CACNA1I: variants seen among roughly 807,000 people sequenced by gnomAD.
CACNA1I encodes voltage-dependent T-type calcium channel subunit alpha-1I.
In CACNA1I, 74 loss-of-function variants were observed where a neutral mutation model predicts 201.6. That is an observed-to-expected ratio of 0.37 (90% CI 0.30 to 0.45). The LOEUF (loss-of-function observed/expected upper bound fraction) is 0.45. Among genes scored for constraint, CACNA1I ranks in the 20% least tolerant of loss-of-function variants. The pLI is 1.00. For missense variants in CACNA1I, 2,346 were observed against 3,138.1 expected, an observed-to-expected ratio of 0.75 and a Z score of 6.03; for synonymous variants, 1,431 against 1,345.2, an observed-to-expected ratio of 1.06 and a Z score of -1.40.
At chr22:39,600,678 C>T in intron 3 of CACNA1I, 25 bp downstream of exon 3, 1 of 1,580,316 alleles carries the variant, frequency 6.3e-7, no homozygotes, top group Non-Finnish European at 8.6e-7. Context: ...CCAGGCAGGT[C>T]CTAGCCTCTG....
At chr22:39,594,729 C>T (rs1173653452) in intron 1 of CACNA1I, among the ~76,000 whole-genome samples, 1 of 151,944 alleles carries the variant, frequency 6.6e-6, no homozygotes, top group Non-Finnish European at 1.5e-5. Flanking sequence ...CAGCTAAGGG[C>T]AAGGGCTTTG....
chr22:39,679,619 G>GT lies in CACNA1I; in HGVS notation c.5395-103_5395-102insT, dbSNP rs1461112149. On this transcript the variant is annotated intron_variant, in intron 32 of 36. Coordinates refer to ENST00000402142, the MANE Select transcript of CACNA1I (RefSeq NM_021096.4). Reference sequence around the variant, plus strand: ...TGAGGGGGTCGGTCCCAGGCCATGGGCGCAGAGAACCAACCGGGAGGGCAG... The same window carrying GT: ...TGAGGGGGTCGGTCCCAGGCCATGGGTCGCAGAGAACCAACCGGGAGGGCAG... 5.8e-6 allele frequency: 7 copies of GT among 1,210,658 alleles called. No individual in the cohort carries two copies. In the African/African-American group the frequency reaches 1.1e-4, roughly 18 times the overall value. The allele number at this position is 1,210,658 out of a possible 1,614,324, so 75.0% of individuals were successfully genotyped here. A position where few individuals can be genotyped will look rare whatever the true frequency, so the allele number is the denominator to read the frequency against.
Position 39,648,954 on chromosome 22 carries a change from A to C in CACNA1I, c.1568-547A>C, listed in dbSNP as rs1371479196. On this transcript the variant is annotated intron_variant, in intron 9 of 36. Transcript: ENST00000402142. The surrounding 1 kb of genome is among the most constrained non-coding windows in gnomAD (Gnocchi z 5.4). ...GGAAGTCCCAGGGGCTTCTGGAGTGAGGGTCTGCCCTTGCCCCAGGGCTCC... is the reference window on the plus strand; with the variant it reads ...GGAAGTCCCAGGGGCTTCTGGAGTGCGGGTCTGCCCTTGCCCCAGGGCTCC... Among the ~76,000 whole-genome samples, 1 of 151,662 alleles carries C rather than the reference A, an allele frequency of 6.6e-6. No individual in the cohort carries two copies. The highest frequency in any genetic ancestry group is 2.0e-4 in the East Asian group (1 of 5,084).
intron 4 of CACNA1I, among the ~76,000 whole-genome samples, chr22:39,619,899 C>A (rs910839517): frequency 3.3e-5 from 5 of 152,178 alleles, no homozygotes; most frequent in Admixed American, 2.0e-4. Flanking sequence ...GCCTAGCCAC[C>A]GGTTCATCCA....
At chr22:39,599,062 CCTCAGCCT>C (rs919657382) in intron 2 of CACNA1I, among the ~76,000 whole-genome samples, 1 of 150,264 alleles carries the variant, frequency 6.7e-6, no homozygotes, top group African/African-American at 2.5e-5. Flanking sequence ...CATTCTCCCA[CCTCAGCCT>C]CCTGAGCAGC....
chr22:39,667,273 C>T (rs943727566), intron 23 of CACNA1I, among the ~76,000 whole-genome samples: 1 of 152,202 alleles, frequency 6.6e-6, no homozygotes, highest in African/African-American at 2.4e-5. Context: ...TTCTGGATAC[C>T]TTTGGCACCA....
In CACNA1I at chr22:39,679,410, G is replaced by C. The variant is rs1392358273; in HGVS notation, c.5359G>C (p.Gly1787Arg). Residue 1787 changes from glycine to arginine, a missense_variant, in exon 32 of 37, where the codon GGC becomes CGC. Gly to Arg is a moderately radical substitution (Grantham distance 125). This residue lies in a region of CACNA1I where 441 missense variants were observed against 555.6 expected (regional missense o/e 0.79). Transcript: ENST00000402142. ...GGCGGGCGGCGGGGGCGACACCGAG[G>C]GCGGCTTGTGCCGGCGCTGCTACTC... ...GGAGGGGDTEGGLCRRCYSPA... is the reference protein window; with the variant it reads ...GGAGGGGDTERGLCRRCYSPA... The C allele has an allele frequency of 1.4e-6, 2 of 1,440,532 alleles. No individual in the cohort carries two copies. The highest frequency in any genetic ancestry group is 3.0e-5 in the African/African-American group (2 of 66,860). 89.2% of individuals were successfully genotyped at this position (1,440,532 alleles called of 1,614,324 possible).
chr22:39,668,461 A>G, intron 24 of CACNA1I, 80 bp downstream of exon 24: 1 of 881,654 alleles, frequency 1.1e-6, no homozygotes, highest in Non-Finnish European at 1.9e-6. Context: ...TTGAATTTGA[A>G]ACTGGTGCCA....
At position 39,684,469 on chromosome 22, in the gene CACNA1I, C is replaced by T. The variant is rs745531999; in HGVS notation, c.5998C>T (p.Pro2000Ser). ...GGGCTCCTGGGCATCTCTGCGGTCACCAAGGGTCAACTGTACCCTCCTCCG... is the reference window on the plus strand; with the variant it reads ...GGGCTCCTGGGCATCTCTGCGGTCATCAAGGGTCAACTGTACCCTCCTCCG... ...LQGSWASLRS[P>S]RVNCTLLRQA... Residue 2000 changes from proline to serine, a missense_variant, in exon 36 of 37, where the codon CCA becomes TCA. Physicochemically the swap from Pro to Ser is moderately conservative, Grantham distance 74. Around this residue, in one of 13 missense-constraint regions of CACNA1I, gnomAD observed 441 missense variants for 555.6 expected, o/e 0.79. Coordinates refer to ENST00000402142, the MANE Select transcript of CACNA1I (RefSeq NM_021096.4). This position sits in a 1 kb window ranked among gnomAD's most constrained non-coding sequence, Gnocchi z 4.6. The T allele has an allele frequency of 1.2e-6, 2 of 1,613,368 alleles. No individual in the cohort carries two copies. The highest frequency in any genetic ancestry group is 1.7e-6 in the Non-Finnish European group (2 of 1,179,864).
Position 39,684,639 on chromosome 22 carries a change from C to T in CACNA1I, c.6027+141C>T, listed in dbSNP as rs1935803727. ...ACCACCGTGCAAGGGGGTTTGGGAA[C>T]GCTGGGGTGACGCTGAGACTGGAGG... On this transcript the variant is annotated intron_variant, in intron 36 of 36. Transcript: ENST00000402142. The surrounding 1 kb of genome is among the most constrained non-coding windows in gnomAD (Gnocchi z 4.6). The T allele has an allele frequency of 1.3e-5, 11 of 853,930 alleles. No homozygotes were observed. Among genetic ancestry groups the T allele is most frequent in the South Asian group, 9.8e-5 (6 of 61,166 alleles). 52.9% of individuals were successfully genotyped at this position (853,930 alleles called of 1,614,324 possible). A position where few individuals can be genotyped will look rare whatever the true frequency, so the allele number is the denominator to read the frequency against.
At chr22:39,592,563 G>C (rs1357841971) in intron 1 of CACNA1I, among the ~76,000 whole-genome samples, 1 of 152,192 alleles carries the variant, frequency 6.6e-6, no homozygotes, top group African/African-American at 2.4e-5. Context: ...TGAAGTAGGC[G>C]AGGCAGCTGG....
Position 39,685,843 on chromosome 22 carries a change from C to T in CACNA1I, c.6110C>T (p.Thr2037Ile). The change falls in exon 37 of 37, where the codon ACC (threonine) becomes ATC (isoleucine). Residue 2037 changes from threonine to isoleucine, a missense_variant. Thr to Ile is a moderately conservative substitution (Grantham distance 89, BLOSUM62 -1). Around this residue, in one of 13 missense-constraint regions of CACNA1I, gnomAD observed 441 missense variants for 555.6 expected, o/e 0.79. Transcript: ENST00000402142. The surrounding 1 kb of genome is among the most constrained non-coding windows in gnomAD (Gnocchi z 5.0). ...CAGACCACGCTCGAGGACAGCCTGA[C>T]CCTGAGCGACAGCCCCCGGCGTGCC... ...SLQTTLEDSL[T>I]LSDSPRRALG... 1 of 1,485,158 alleles carries T rather than the reference C, an allele frequency of 6.7e-7. No homozygotes were observed. The highest frequency in any genetic ancestry group is 3.0e-5 in the East Asian group (1 of 33,764). 92.0% of individuals were successfully genotyped at this position (1,485,158 alleles called of 1,614,324 possible).
intron 10 of CACNA1I, among the ~76,000 whole-genome samples, chr22:39,653,012 C>T (rs1005292822): frequency 1.3e-5 from 2 of 148,938 alleles, no homozygotes; most frequent in African/African-American, 4.9e-5. Context: ...CTGGCACCCC[C>T]CATCTGTAAA....
At chr22:39,576,958 T>C (rs901277100) in intron 1 of CACNA1I, among the ~76,000 whole-genome samples, 1 of 152,052 alleles carries the variant, frequency 6.6e-6, no homozygotes, top group Non-Finnish European at 1.5e-5. Context: ...CTTCTTCTTC[T>C]TCTTTTTTTT....
intron 4 of CACNA1I, among the ~76,000 whole-genome samples, chr22:39,632,447 C>G (rs747384821): frequency 1.4e-4 from 21 of 152,244 alleles, no homozygotes; most frequent in Non-Finnish European, 2.5e-4. Context: ...GCCAGTCCCT[C>G]TGCTGGCCAA....
chr22:39,646,395 T>C (rs1485984630), intron 7 of CACNA1I, among the ~76,000 whole-genome samples, 174 bp from the exon 8 acceptor site: 2 of 151,842 alleles, frequency 1.3e-5, no homozygotes, highest in African/African-American at 4.8e-5. Context: ...CTGCCCCTCC[T>C]CCTTGCTTCA....
In CACNA1I at chr22:39,688,665, T is replaced by C. The variant is rs1407285638; in HGVS notation, c.*2260T>C. 1 of 152,248 alleles carries C rather than the reference T, an allele frequency of 6.6e-6. No homozygotes were observed. The highest frequency in any genetic ancestry group is 1.5e-5 in the Non-Finnish European group (1 of 68,058). 9.4% of individuals were successfully genotyped at this position (152,248 alleles called of 1,614,324 possible). ...CGACTCCACTGAGCAGCCTTTCCTG[T>C]TGTCACATGGGTTCAGAGCAGCTGA... On this transcript the variant is annotated 3_prime_UTR_variant, in exon 37 of 37. Transcript: ENST00000402142. The surrounding 1 kb of genome is among the most constrained non-coding windows in gnomAD (Gnocchi z 4.8).
intron 1 of CACNA1I, among the ~76,000 whole-genome samples, chr22:39,594,487 C>T (rs951492703): frequency 1.3e-5 from 2 of 152,150 alleles, no homozygotes; most frequent in African/African-American, 4.8e-5. Flanking sequence ...GGGGCCCTGG[C>T]AGCGACTGAA....
rs751319763 is a variant in CACNA1I at position 39,664,770 on chromosome 22, A to C, written c.3698A>C (p.Gln1233Pro). 5 of 1,439,010 alleles carry C rather than the reference A, an allele frequency of 3.5e-6. No homozygotes were observed. Among genetic ancestry groups the C allele is most frequent in the Admixed American group, 1.9e-5 (1 of 53,742 alleles). 89.1% of individuals were successfully genotyped at this position (1,439,010 alleles called of 1,614,324 possible). A position where few individuals can be genotyped will look rare whatever the true frequency, so the allele number is the denominator to read the frequency against. The change falls in exon 21 of 37, where the codon CAG (glutamine) becomes CCG (proline). Residue 1233 changes from glutamine to proline, a missense_variant. Coordinates refer to ENST00000402142, the MANE Select transcript of CACNA1I (RefSeq NM_021096.4). Reference protein sequence around the residue: ...VVSLGLYFGEQAYLRSSWNVL... With the variant: ...VVSLGLYFGEPAYLRSSWNVL... ...TCGCTGGGCCTGTACTTCGGCGAGC[A>C]GGCGTACCTACGCAGCAGCTGGAAC...
Sources: gnomAD v4.1 joint callset for allele counts (sites outside exome capture counted in the v4.1 genomes callset) on GRCh38, gnomAD v4.1.1 for gene constraint, gnomAD v4.1.1 regional missense constraint, Gnocchi (gnomAD v3.1) non-coding constraint, MANE v1.5 for transcripts, NCBI Gene and HGNC (gene_info 2026-07-23, HGNC 2026-07-21) for gene names.